DUSP22: variants seen among roughly 807,000 people sequenced by gnomAD.
DUSP22 encodes the protein dual specificity protein phosphatase 22.
In DUSP22, 24 loss-of-function variants were observed where a neutral mutation model predicts 24.5. That is an observed-to-expected ratio of 0.98 (90% CI 0.71 to 1.38). The LOEUF is 1.38. DUSP22 is among the 40% of genes most tolerant of loss of function. The pLI, the probability that DUSP22 is intolerant of heterozygous loss-of-function variation, is 0.00. For synonymous variants in DUSP22, 160 were observed against 106.4 expected (o/e 1.50, Z -3.10); for missense variants, 330 against 269.2 (o/e 1.23, Z -1.58).
chr6:317,206 G>A lies in DUSP22; in HGVS notation c.138+5244G>A, dbSNP rs561714563. 1.4e-4 allele frequency among the ~76,000 whole-genome samples: 22 copies of A among 152,412 alleles called. No homozygotes were observed. The South Asian group carries it at 3.7e-3, about 26-fold the overall frequency. ...ATGAGGAAACTCACCAAGGTGAGAC[G>A]CCCAGTCTGCTTGGACGGCCCCATC... On this transcript the variant is annotated intron_variant, in intron 3 of 6. Transcript: ENST00000419235.
intron 3 of DUSP22, among the ~76,000 whole-genome samples, chr6:333,501 C>T (rs1213974374): frequency 2.0e-5 from 3 of 152,304 alleles, no homozygotes; most frequent in Admixed American, 6.5e-5. Context: ...TTTTCTGACC[C>T]CTCATCATTG....
intron 1 of DUSP22, among the ~76,000 whole-genome samples, chr6:292,966 G>A (rs1293330693): frequency 4.6e-5 from 7 of 152,274 alleles, no homozygotes; most frequent in Non-Finnish European, 8.8e-5. Context: ...TTAGTAAACG[G>A]GTGTCCTCTG....
chr6:300,926 T>G (rs927119399), intron 1 of DUSP22, among the ~76,000 whole-genome samples: 6 of 152,420 alleles, frequency 3.9e-5, no homozygotes, highest in African/African-American at 1.4e-4. Flanking sequence ...TGAGAGCATT[T>G]CTGGGGCTAC....
chr6:342,226 C>T (rs927460943), intron 4 of DUSP22, among the ~76,000 whole-genome samples: 3 of 152,422 alleles, frequency 2.0e-5, no homozygotes, highest in South Asian at 2.1e-4. Flanking sequence ...CTCAGGCGGT[C>T]GTCATTCATT....
intron 6 of DUSP22, chr6:348,551 C>A: frequency 1.1e-6 from 1 of 897,054 alleles, no homozygotes. Flanking sequence ...TTTCCTTGGT[C>A]TGGCCTATTT....
In DUSP22 at chr6:304,644, A is replaced by G. The variant is rs762268962; in HGVS notation, c.38A>G (p.Tyr13Cys). Residue 13 changes from tyrosine (Y) to cysteine (C), a missense_variant, in exon 2 of 7, where the codon TAC becomes TGC. By Grantham distance (194) the Tyr-to-Cys change is radical. Coordinates refer to ENST00000419235, the MANE Select transcript of DUSP22 (RefSeq NM_001286555.3). ...CTCTCCTAGATCCTGCCCGGCCTGT[A>G]CATCGGCAACTTCAAAGGTGAGTTC... is the stretch of plus-strand genomic sequence containing the variant. ...NGMNKILPGLYIGNFKDARDA... is the reference protein window; with the variant it reads ...NGMNKILPGLCIGNFKDARDA... The G allele has an allele frequency of 6.2e-7, 1 of 1,614,254 alleles. No individual in the cohort carries two copies. The highest frequency in any genetic ancestry group is 8.5e-7 in the Non-Finnish European group (1 of 1,180,018).
intron 4 of DUSP22, among the ~76,000 whole-genome samples, chr6:343,514 T>G (rs1332573792): frequency 6.6e-6 from 1 of 152,294 alleles, no homozygotes; most frequent in Non-Finnish European, 1.5e-5. Context: ...TCTGTTCTTA[T>G]TTACATCTGG....
chr6:324,541 A>C (rs1273589708), intron 3 of DUSP22, among the ~76,000 whole-genome samples: 1 of 152,280 alleles, frequency 6.6e-6, no homozygotes, highest in Non-Finnish European at 1.5e-5. Context: ...CCACTCTCCC[A>C]CCCCGTGGAC....
chr6:293,436 A>G (rs1561641640), intron 1 of DUSP22, among the ~76,000 whole-genome samples: 4 of 152,294 alleles, frequency 2.6e-5, no homozygotes, highest in South Asian at 2.1e-4. Context: ...AACAAAGACA[A>G]GTACCTTTTT....
rs200394961 is a variant in DUSP22, at chr6:348,928, G to A, written c.595G>A (p.Asp199Asn). ...TCCGGCACTGGCTCCGCTGACCTAC[G>A]ATAATTATACGACGGAGACCTAACG... is the stretch of plus-strand genomic sequence containing the variant. ...SFPALAPLTY[D>N]NYTTET is the part of the protein sequence containing the mutation. The change falls in exon 7 of 7, where the codon GAT becomes AAT. Residue 199 changes from aspartate to asparagine, a missense_variant. Asp to Asn is a conservative substitution (Grantham distance 23, BLOSUM62 1). Transcript: ENST00000419235. 8.0e-5 allele frequency: 129 copies of A among 1,609,254 alleles called. No homozygotes were observed. Among genetic ancestry groups the A allele is most frequent in the Admixed American group, 1.5e-4 (9 of 59,054 alleles).
intron 4 of DUSP22, among the ~76,000 whole-genome samples, chr6:344,309 A>G (rs1385212547): frequency 6.6e-6 from 1 of 152,210 alleles, no homozygotes; most frequent in East Asian, 1.9e-4. Context: ...TTATTGAGAC[A>G]GGGTCTCGCT....
chr6:298,751 G>A (rs531289821), intron 1 of DUSP22, among the ~76,000 whole-genome samples: 128 of 152,346 alleles, frequency 8.4e-4, no homozygotes, highest in African/African-American at 2.6e-3. Flanking sequence ...GCCAGAGACC[G>A]TCTTCCTCTG....
intron 4 of DUSP22, among the ~76,000 whole-genome samples, chr6:342,684 G>A (rs1759665207): frequency 6.6e-6 from 1 of 152,298 alleles, no homozygotes; most frequent in Non-Finnish European, 1.5e-5. Flanking sequence ...ACACTTGGCA[G>A]CAGGTGGTGC....
intron 3 of DUSP22, among the ~76,000 whole-genome samples, chr6:319,195 A>C (rs543270554): frequency 1.6e-4 from 25 of 152,396 alleles, no homozygotes; most frequent in African/African-American, 5.0e-4. Flanking sequence ...CCAAGTATCT[A>C]TTCGAGTGAA....
At chr6:343,626 TGTG>T (rs1297379426) in intron 4 of DUSP22, among the ~76,000 whole-genome samples, 8 of 151,048 alleles carry the variant, frequency 5.3e-5, no homozygotes, top group East Asian at 2.0e-4. Context: ...GATTTGTGCT[TGTG>T]GTGACCCTTG....
intron 1 of DUSP22, among the ~76,000 whole-genome samples, chr6:299,346 G>C (rs557564888): frequency 1.2e-3 from 189 of 152,330 alleles, no homozygotes; most frequent in African/African-American, 4.4e-3. Flanking sequence ...TTTATTTCAT[G>C]TTCTCTTTCT....
At chr6:331,009 A>C (rs1180037131) in intron 3 of DUSP22, among the ~76,000 whole-genome samples, 5 of 152,298 alleles carry the variant, frequency 3.3e-5, no homozygotes, top group Non-Finnish European at 7.3e-5. Flanking sequence ...CCTGGTACTC[A>C]CTTCGTCATG....
chr6:348,290 G>A lies in DUSP22; in HGVS notation c.435+16G>A. ...GGTCCATCAGGTAAGCAGTTCTTAG[G>A]GGACATCAGAGATGCAGGCAGGTGC... On this transcript the variant is annotated intron_variant, in intron 6 of 6. Coordinates refer to ENST00000419235, the MANE Select transcript of DUSP22 (RefSeq NM_001286555.3). 2 of 1,613,966 alleles carry A rather than the reference G, an allele frequency of 1.2e-6. No individual in the cohort carries two copies. Among genetic ancestry groups the A allele is most frequent in the Non-Finnish European group, 1.7e-6 (2 of 1,179,834 alleles).
intron 5 of DUSP22, 48 bp from the exon 6 acceptor site, chr6:348,055 C>G (rs748907815): frequency 6.2e-7 from 1 of 1,607,992 alleles, no homozygotes; most frequent in Non-Finnish European, 8.5e-7. Context: ...GCGATGAACC[C>G]GGAGATCTGA....
Sources: gnomAD v4.1 joint callset for allele counts (sites outside exome capture counted in the v4.1 genomes callset) on GRCh38, gnomAD v4.1.1 for gene constraint, MANE v1.5 for transcripts, NCBI Gene and HGNC (gene_info 2026-07-23, HGNC 2026-07-21) for gene names.